Variants in TRPM4 observed in about 807,000 individuals in gnomAD.
TRPM4 encodes calcium-activated non-selective cation channel 1.
In TRPM4, 124 loss-of-function variants were observed where a neutral mutation model predicts 135.6. The observed-to-expected ratio is 0.91, with a 90% CI of 0.79 to 1.06. The LOEUF is 1.06. Ranked by LOEUF, TRPM4 falls within the 50% of genes least tolerant of loss-of-function variation. TRPM4 has a pLI of 0.00. For missense variants in TRPM4, 1,658 were observed against 1,671.4 expected (o/e 0.99, Z 0.14); for synonymous variants, 745 against 705.6 (o/e 1.06, Z -0.88).
At chr19:49,175,785 C>G (rs534350296) in intron 9 of TRPM4, among the ~76,000 whole-genome samples, 7 of 149,992 alleles carry the variant, frequency 4.7e-5, no homozygotes, top group Non-Finnish European at 8.9e-5. Flanking sequence ...CTCAGCCTCC[C>G]GAGTAGTTGG....
intron 19 of TRPM4, among the ~76,000 whole-genome samples, chr19:49,201,056 C>G (rs1437966300): frequency 7.0e-6 from 1 of 143,648 alleles, no homozygotes; most frequent in East Asian, 2.0e-4. Flanking sequence ...TTTGTGGTGT[C>G]GTAAAGAAAT....
chr19:49,174,073 C>A (rs1025960876), intron 9 of TRPM4, among the ~76,000 whole-genome samples: 2 of 152,054 alleles, frequency 1.3e-5, no homozygotes, highest in Admixed American at 6.6e-5. Flanking sequence ...TTGGATACAA[C>A]CTTAGGTAAA....
chr19:49,162,613 G>A lies in TRPM4; in HGVS notation c.93-3428G>A, dbSNP rs181040889. 1.8e-4 allele frequency among the ~76,000 whole-genome samples: 27 copies of A among 152,198 alleles called. 1 individual carries two copies. In the East Asian group the frequency reaches 3.9e-3, roughly 22 times the overall value. On this transcript the variant is annotated intron_variant, in intron 2 of 24. Coordinates refer to ENST00000252826, the MANE Select transcript of TRPM4 (RefSeq NM_017636.4). ...TCTGTGGCTCCACCGAGGAAAGAGT[G>A]TAGGAGGCAAGCTGTGCAGAAGGAA...
chr19:49,181,479 G>A lies in TRPM4; in HGVS notation c.1263+18G>A. On this transcript the variant is annotated intron_variant, in intron 10 of 24. Transcript: ENST00000252826. The stretch of plus-strand genomic sequence containing the variant: ...AATGGCGGGTGAGGGGTCAGGGCCT[G>A]GGGGTTGGGCATACTGACAAAGGGA... 6.3e-7 allele frequency: 1 copy of A among 1,579,188 alleles called. No homozygotes were observed. Among genetic ancestry groups the A allele is most frequent in the Non-Finnish European group, 8.7e-7 (1 of 1,150,110 alleles).
intron 2 of TRPM4, among the ~76,000 whole-genome samples, chr19:49,163,298 T>C (rs4802580): frequency 0.77 from 116,066 of 151,068 alleles, 45,399 homozygotes; most frequent in Non-Finnish European, 0.86. Flanking sequence ...CAGGTTCAAG[T>C]GATTCTCCTG....
At chr19:49,198,507 G>C (rs1286954634) in intron 17 of TRPM4, among the ~76,000 whole-genome samples, 2 of 152,012 alleles carry the variant, frequency 1.3e-5, no homozygotes, top group Non-Finnish European at 2.9e-5. Flanking sequence ...AATTAGCCGG[G>C]CATGGTGGCA....
intron 16 of TRPM4, among the ~76,000 whole-genome samples, chr19:49,194,913 C>T (rs1326808289): frequency 6.6e-6 from 1 of 150,522 alleles, no homozygotes; most frequent in Non-Finnish European, 1.5e-5. Flanking sequence ...CAGGTATAAA[C>T]ACACCTGGCT....
intron 10 of TRPM4, among the ~76,000 whole-genome samples, chr19:49,182,094 GTCCATCCA>G (rs879818462): frequency 1.4e-4 from 8 of 55,978 alleles, no homozygotes; most frequent in South Asian, 8.1e-4. Context: ...CCATCCATCT[GTCCATCCA>G]TCCATCCATC....
chr19:49,188,789 C>A lies in TRPM4; in HGVS notation c.1873+19C>A, dbSNP rs774425588. On this transcript the variant is annotated intron_variant, in intron 13 of 24. Coordinates refer to ENST00000252826, the MANE Select transcript of TRPM4 (RefSeq NM_017636.4). ...GGCGTTGGTGCGTGGGGCACGGTGC[C>A]TGGGAGCAGGGACGGGGGCTGCCGC... The A allele has an allele frequency of 1.2e-6, 2 of 1,613,760 alleles. No individual in the cohort carries two copies. Among genetic ancestry groups the A allele is most frequent in the Non-Finnish European group, 1.7e-6 (2 of 1,179,820 alleles).
In TRPM4 at chr19:49,168,269, T is replaced by C. The variant is rs973993001; in HGVS notation, c.458T>C (p.Ile153Thr). 1 of 1,614,020 alleles carries C rather than the reference T, an allele frequency of 6.2e-7. No homozygotes were observed. Among genetic ancestry groups the C allele is most frequent in the African/African-American group, 1.3e-5 (1 of 74,920 alleles). ...VRAAQSTGAW[I>T]VTGGLHTGIG... The stretch of plus-strand genomic sequence containing the variant: ...CTCGGCGTCTGTGTAGGAGCCTGGA[T>C]TGTCACTGGGGGTCTGCACACGGGC... The change falls in exon 5 of 25, where the codon ATT becomes ACT. Residue 153 changes from isoleucine (I) to threonine (T), a missense_variant. Physicochemically the swap from Ile to Thr is moderately conservative, Grantham distance 89. This residue lies in a region of TRPM4 where 239 missense variants were observed against 240.1 expected (regional missense o/e 1.00). Coordinates refer to ENST00000252826, the MANE Select transcript of TRPM4 (RefSeq NM_017636.4).
chr19:49,202,980 A>T lies in TRPM4; in HGVS notation c.3131+839A>T, dbSNP rs193078554. Reference sequence around the variant, plus strand: ...ATCTCAGCTCACTACAAGCTCCGCCACCCGGGTTCACGCCATTCTCCTACC... The same window carrying T: ...ATCTCAGCTCACTACAAGCTCCGCCTCCCGGGTTCACGCCATTCTCCTACC... On this transcript the variant is annotated intron_variant, in intron 20 of 24. Transcript: ENST00000252826. 4.8e-3 allele frequency among the ~76,000 whole-genome samples: 632 copies of T among 132,596 alleles called. 1 individual carries two copies. Among genetic ancestry groups the T allele is most frequent in the Non-Finnish European group, 7.2e-3 (469 of 64,696 alleles). 87.0% of individuals were successfully genotyped at this position (132,596 alleles called of 152,430 possible).
intron 12 of TRPM4, among the ~76,000 whole-genome samples, chr19:49,184,197 G>A (rs1406631634): frequency 6.6e-6 from 1 of 151,532 alleles, no homozygotes; most frequent in Non-Finnish European, 1.5e-5. Context: ...TTTTCCTTTT[G>A]GACTCTCATT....
chr19:49,197,756 C>T (rs1968752347), intron 17 of TRPM4, among the ~76,000 whole-genome samples: 1 of 151,474 alleles, frequency 6.6e-6, no homozygotes, highest in Admixed American at 6.6e-5. Flanking sequence ...GATCTTGGCT[C>T]ACTGCAACCT....
chr19:49,210,211 A>C lies in TRPM4; in HGVS notation c.3134A>C (p.Tyr1045Ser). 1 of 1,614,192 alleles carries C rather than the reference A, an allele frequency of 6.2e-7. No homozygotes were observed. The highest frequency in any genetic ancestry group is 8.5e-7 in the Non-Finnish European group (1 of 1,180,026). Residue 1045 changes from tyrosine (Y) to serine (S), a missense_variant and splice_region_variant, in exon 21 of 25, where the codon TAC (tyrosine) becomes TCC (serine). This residue lies in a region of TRPM4 where 1,412 missense variants were observed against 1,408.7 expected (regional missense o/e 1.00). Transcript: ENST00000252826. The surrounding 1 kb of genome is among the most constrained non-coding windows in gnomAD (Gnocchi z 4.1). ...LVNLLIAMFS[Y>S]TFGKVQGNSD... ...CCTTTGACCTCTGGCCTTTGCAGTTACACATTCGGCAAAGTACAGGGCAAC... is the reference window on the plus strand; with the variant it reads ...CCTTTGACCTCTGGCCTTTGCAGTTCCACATTCGGCAAAGTACAGGGCAAC...
At chr19:49,193,462 C>T (rs1156665148) in intron 16 of TRPM4, among the ~76,000 whole-genome samples, 1 of 152,150 alleles carries the variant, frequency 6.6e-6, no homozygotes, top group Non-Finnish European at 1.5e-5. Flanking sequence ...ATAATGGAGT[C>T]ATTCAGTCAC....
chr19:49,187,202 T>G (rs989048646), intron 12 of TRPM4, among the ~76,000 whole-genome samples: 1 of 151,988 alleles, frequency 6.6e-6, no homozygotes, highest in African/African-American at 2.4e-5. Flanking sequence ...CTTGTTTTTT[T>G]TTTTTTATAA....
chr19:49,210,514 G>A lies in TRPM4; in HGVS notation c.3328+109G>A. 2 of 1,461,718 alleles carry A rather than the reference G, an allele frequency of 1.4e-6. No homozygotes were observed. Among genetic ancestry groups the A allele is most frequent in the East Asian group, 2.3e-5 (1 of 42,806 alleles). 90.5% of individuals were successfully genotyped at this position (1,461,718 alleles called of 1,614,324 possible). A position where few individuals can be genotyped will look rare whatever the true frequency, so the allele number is the denominator to read the frequency against. The stretch of plus-strand genomic sequence containing the variant: ...GACTAACGGGCGTGGCTTAGGTAGC[G>A]AGGGGCGGGGTTTAAGCAACAAGGG... On this transcript the variant is annotated intron_variant, in intron 21 of 24. Transcript: ENST00000252826. The surrounding 1 kb of genome is among the most constrained non-coding windows in gnomAD (Gnocchi z 4.1).
chr19:49,163,141 C>T (rs1967030561), intron 2 of TRPM4, among the ~76,000 whole-genome samples: 1 of 151,748 alleles, frequency 6.6e-6, no homozygotes, highest in Admixed American at 6.6e-5. Flanking sequence ...GCAGCTATCA[C>T]ATTGGACAGT....
chr19:49,161,337 T>G (rs1188447007), intron 2 of TRPM4, among the ~76,000 whole-genome samples: 1 of 147,960 alleles, frequency 6.8e-6, no homozygotes, highest in African/African-American at 2.5e-5. Flanking sequence ...TTTTTTTTTT[T>G]TTTTTTTTGA....
Sources: gnomAD v4.1 joint callset for allele counts (sites outside exome capture counted in the v4.1 genomes callset) on GRCh38, gnomAD v4.1.1 for gene constraint, gnomAD v4.1.1 regional missense constraint, Gnocchi (gnomAD v3.1) non-coding constraint, MANE v1.5 for transcripts, NCBI Gene and HGNC (gene_info 2026-07-23, HGNC 2026-07-21) for gene names.